The following MELK variants were observed in gnomAD, a reference collection of about 807,000 sequenced individuals.
MELK encodes pEg3 kinase.
In MELK, 81 loss-of-function variants were observed where a neutral mutation model predicts 85.0. The observed-to-expected ratio is 0.95, with a 90% CI of 0.80 to 1.15. The LOEUF (loss-of-function observed/expected upper bound fraction) is 1.15, where lower values mean the gene tolerates loss of function less well. MELK is among the 50% of genes most tolerant of loss of function. The pLI, the probability that MELK is intolerant of heterozygous loss-of-function variation, is 0.00. For synonymous variants in MELK, 252 were observed against 265.0 expected, an observed-to-expected ratio of 0.95 and a Z score of 0.48; for missense variants, 754 against 777.5, an observed-to-expected ratio of 0.97 and a Z score of 0.36.
intron 12 of MELK, among the ~76,000 whole-genome samples, chr9:36,656,131 C>T (rs777795214): frequency 5.3e-5 from 8 of 152,106 alleles, no homozygotes; most frequent in South Asian, 4.1e-4. Flanking sequence ...ATTTTGGTGG[C>T]GTTGTTAGCG....
At chr9:36,675,021 C>A in intron 17 of MELK, 84 bp downstream of exon 17, 1 of 948,158 alleles carries the variant, frequency 1.1e-6, no homozygotes, top group Non-Finnish European at 1.6e-6. Flanking sequence ...CGCGGTGGCT[C>A]ACGCCTGTAA....
chr9:36,659,715 G>A (rs1831603934), intron 13 of MELK, among the ~76,000 whole-genome samples: 1 of 152,210 alleles, frequency 6.6e-6, no homozygotes. Flanking sequence ...TGACAACTCT[G>A]CATTAGATTT....
chr9:36,584,152 C>T (rs1197976816), intron 3 of MELK, among the ~76,000 whole-genome samples: 1 of 150,844 alleles, frequency 6.6e-6, no homozygotes, highest in African/African-American at 2.4e-5. Flanking sequence ...ACTACAGGCG[C>T]CCGCCACTAC....
rs529508643 is a variant in MELK at position 36,581,749 on chromosome 9, A to AT, written c.58+19dup. Reference sequence around the variant, plus strand: ...GAAACTATTGGGACAGGTAATTGTTATTTTTTTTTGGAGGCAGTGGATAGA... The same window carrying AT: ...GAAACTATTGGGACAGGTAATTGTTATTTTTTTTTTGGAGGCAGTGGATAGA... On this transcript the variant is annotated intron_variant, in intron 2 of 17. Coordinates refer to ENST00000298048, the MANE Select transcript of MELK (RefSeq NM_014791.4). 1.5e-3 allele frequency: 2,234 copies of AT among 1,527,610 alleles called. 4 individuals carry two copies. Among genetic ancestry groups the AT allele is most frequent in the African/African-American group, 0.013 (934 of 72,398 alleles). The allele number at this position is 1,527,610 out of a possible 1,614,324, so 94.6% of individuals were successfully genotyped here.
chr9:36,589,145 C>T (rs945814727), intron 3 of MELK, among the ~76,000 whole-genome samples: 5 of 151,890 alleles, frequency 3.3e-5, no homozygotes, highest in Non-Finnish European at 5.9e-5. Flanking sequence ...ATAGCTTTTG[C>T]TACTTAGTAT....
chr9:36,594,774 A>G lies in MELK; in HGVS notation c.405+3A>G. 1 of 1,612,022 alleles carries G rather than the reference A, an allele frequency of 6.2e-7. No individual in the cohort carries two copies. Among genetic ancestry groups the G allele is most frequent in the Non-Finnish European group, 8.5e-7 (1 of 1,179,232 alleles). ...ATGCTCACAGGGACCTCAAGCCAGT[A>G]AGTGACTGCATCACAGTTAGATGCT... is the stretch of plus-strand genomic sequence containing the variant. On this transcript the variant is annotated splice_donor_region_variant and intron_variant, in intron 5 of 17. Transcript: ENST00000298048.
intron 11 of MELK, among the ~76,000 whole-genome samples, chr9:36,644,052 G>A (rs533935285): frequency 2.0e-5 from 3 of 152,242 alleles, no homozygotes; most frequent in African/African-American, 7.2e-5. Context: ...TGGAAATGAG[G>A]TAAACACAAA....
intron 8 of MELK, among the ~76,000 whole-genome samples, chr9:36,620,418 CATCA>C (rs1827280703): frequency 6.6e-6 from 1 of 152,190 alleles, no homozygotes; most frequent in South Asian, 2.1e-4. Context: ...TTGTTTCCTT[CATCA>C]GCAGCATTAG....
At chr9:36,670,035 C>G (rs77898785) in intron 15 of MELK, among the ~76,000 whole-genome samples, 3 of 152,184 alleles carry the variant, frequency 2.0e-5, no homozygotes, top group Non-Finnish European at 2.9e-5. Flanking sequence ...CATTCCTAAT[C>G]TTATGGTTTT....
intron 8 of MELK, among the ~76,000 whole-genome samples, chr9:36,611,813 G>T (rs1826086444): frequency 6.6e-6 from 1 of 150,950 alleles, no homozygotes; most frequent in African/African-American, 2.4e-5. Context: ...TCGTGCTGTT[G>T]CCCAGGCTAG....
chr9:36,674,735 C>T (rs943977540), intron 16 of MELK, 99 bp from the exon 17 acceptor site: 3 of 574,362 alleles, frequency 5.2e-6, no homozygotes, highest in Admixed American at 6.4e-5. Flanking sequence ...CCATTTGAAA[C>T]AGTACTATAT....
rs1822500970 is a variant in MELK, at chr9:36,583,638, A to G, written c.70A>G (p.Lys24Glu). The stretch of plus-strand genomic sequence containing the variant: ...ATTTTCCTACTTAGGTGGCTTTGCA[A>G]AGGTCAAACTTGCCTGCCATATCCT... ...HETIGTGGFA[K>E]VKLACHILTG... The change falls in exon 3 of 18, where the codon AAG becomes GAG. Residue 24 changes from lysine (K) to glutamate (E), a missense_variant. Physicochemically the swap from Lys to Glu is moderately conservative, Grantham distance 56. Transcript: ENST00000298048. 1 of 1,609,786 alleles carries G rather than the reference A, an allele frequency of 6.2e-7. No individual in the cohort carries two copies.
At chr9:36,605,169 A>G (rs1312319604) in intron 7 of MELK, among the ~76,000 whole-genome samples, 1 of 151,918 alleles carries the variant, frequency 6.6e-6, no homozygotes, top group African/African-American at 2.4e-5. Context: ...GATTACAGGC[A>G]TGAACCACCA....
intron 4 of MELK, among the ~76,000 whole-genome samples, chr9:36,590,914 T>C (rs1823465993): frequency 6.7e-6 from 1 of 150,172 alleles, no homozygotes; most frequent in Non-Finnish European, 1.5e-5. Flanking sequence ...TGTCTCTACA[T>C]ACAAAAGAAA....
intron 14 of MELK, among the ~76,000 whole-genome samples, chr9:36,666,473 A>T (rs542248259): frequency 8.7e-4 from 133 of 152,344 alleles, no homozygotes; most frequent in African/African-American, 3.1e-3. Flanking sequence ...GAATTAATAA[A>T]TTAGAGCCCA....
chr9:36,615,399 C>A (rs1199958021), intron 8 of MELK, among the ~76,000 whole-genome samples: 1 of 132,886 alleles, frequency 7.5e-6, no homozygotes, highest in African/African-American at 2.9e-5. Flanking sequence ...GGGGGCTGAC[C>A]CCCCCACCTC....
At chr9:36,636,778 T>TCTGTCTGTCTG (rs1564191010) in intron 10 of MELK, among the ~76,000 whole-genome samples, 19 of 82,218 alleles carry the variant, frequency 2.3e-4, no homozygotes, top group African/African-American at 8.2e-4. Flanking sequence ...CTTTCTTTCT[T>TCTGTCTGTCTG]TCTTTCTGTC....
chr9:36,660,479 A>G (rs1831689595), intron 13 of MELK, among the ~76,000 whole-genome samples: 1 of 152,048 alleles, frequency 6.6e-6, no homozygotes, highest in South Asian at 2.1e-4. Context: ...CACCATGCCC[A>G]GCTAATTTTT....
chr9:36,671,609 G>T (rs1294194760), intron 16 of MELK, among the ~76,000 whole-genome samples: 1 of 152,218 alleles, frequency 6.6e-6, no homozygotes, highest in African/African-American at 2.4e-5. Flanking sequence ...AGTGACAAGC[G>T]GGGAAGGTAG....
Sources: allele counts gnomAD v4.1 joint callset (sites outside exome capture counted in the v4.1 genomes callset), GRCh38; gene constraint gnomAD v4.1.1; transcripts MANE v1.5; gene names NCBI Gene and HGNC (gene_info 2026-07-23, HGNC 2026-07-21).